DSCAM: variants seen among roughly 807,000 people sequenced by gnomAD.
The protein encoded by DSCAM is DS cell adhesion molecule.
A neutral mutation model predicts 217.7 loss-of-function variants in DSCAM; 47 were observed. The ratio of observed to expected loss-of-function variants is 0.22; its 90% confidence interval spans 0.17 to 0.28. DSCAM has a LOEUF of 0.28. Ranked by LOEUF, DSCAM falls within the 10% of genes least tolerant of loss-of-function variation. DSCAM has a pLI of 1.00. For missense variants in DSCAM, 2,080 were observed against 2,618.3 expected (o/e 0.79, Z 4.49); for synonymous variants, 1,056 against 1,015.3 (o/e 1.04, Z -0.76).
rs560726429 is a variant in DSCAM at position 40,241,724 on chromosome 21, T to C, written c.2356+34373A>G. ...ATGTTCACTGAAGCACTATTAAGAA[T>C]AGAAAAGATGTGGAATCCACCTAAA... On this transcript the variant is annotated intron_variant, in intron 11 of 32. Coordinates refer to ENST00000400454, the MANE Select transcript of DSCAM (RefSeq NM_001389.5). Among the ~76,000 whole-genome samples the C allele has an allele frequency of 3.3e-5, 5 of 152,164 alleles. No homozygotes were observed. In the South Asian group the frequency reaches 1.0e-3, roughly 32 times the overall value.
chr21:40,139,741 AG>A (rs1173555906), intron 18 of DSCAM, among the ~76,000 whole-genome samples: 1 of 149,522 alleles, frequency 6.7e-6, no homozygotes, highest in Admixed American at 6.7e-5. Flanking sequence ...TATGTGTATG[AG>A]GGGTGTGTGT....
Position 40,347,772 on chromosome 21 carries a change from G to C in DSCAM, c.1108C>G (p.Leu370Val). The C allele has an allele frequency of 6.2e-7, 1 of 1,614,148 alleles. No homozygotes were observed. The highest frequency in any genetic ancestry group is 8.5e-7 in the Non-Finnish European group (1 of 1,180,028). Residue 370 changes from leucine (L) to valine (V), a missense_variant, in exon 6 of 33, where the codon CTT becomes GTT. By Grantham distance (32) the Leu-to-Val change is conservative. This residue lies in a region of DSCAM where 568 missense variants were observed against 678.1 expected (regional missense o/e 0.84). Transcript: ENST00000400454. ...VRITGINHENLIMDHMVKSDG... is the reference protein window; with the variant it reads ...VRITGINHENVIMDHMVKSDG... Reference sequence around the variant, plus strand: ...CTTTTGACCATGTGATCCATTATAAGGTTTTCGTGGTTGATCCCTGTGATC... The same window carrying C: ...CTTTTGACCATGTGATCCATTATAACGTTTTCGTGGTTGATCCCTGTGATC...
intron 19 of DSCAM, among the ~76,000 whole-genome samples, chr21:40,126,716 C>T (rs781245952): frequency 3.3e-5 from 5 of 152,170 alleles, no homozygotes; most frequent in African/African-American, 4.8e-5. Context: ...TGATGATTTC[C>T]GTGAGCATGC....
intron 1 of DSCAM, among the ~76,000 whole-genome samples, chr21:40,711,888 T>A (rs2090784235): frequency 6.6e-6 from 1 of 152,184 alleles, no homozygotes; most frequent in African/African-American, 2.4e-5. Flanking sequence ...GGAGGCCTTC[T>A]GCATGCAACT....
chr21:40,128,659 G>A (rs971451500), intron 19 of DSCAM, among the ~76,000 whole-genome samples: 4 of 148,856 alleles, frequency 2.7e-5, no homozygotes, highest in Non-Finnish European at 5.9e-5. Context: ...GGAGTAACAG[G>A]CAGCCTCTGG....
At chr21:40,116,216 T>C (rs2089968819) in intron 20 of DSCAM, among the ~76,000 whole-genome samples, 1 of 152,120 alleles carries the variant, frequency 6.6e-6, no homozygotes, top group Non-Finnish European at 1.5e-5. Flanking sequence ...TAATGGGTAT[T>C]AGGATTAATA....
At chr21:40,760,026 G>A (rs1413669278) in intron 1 of DSCAM, among the ~76,000 whole-genome samples, 1 of 150,246 alleles carries the variant, frequency 6.7e-6, no homozygotes, top group East Asian at 1.9e-4. Context: ...ACAGAGTCTT[G>A]CTCTGCAACC....
chr21:40,253,917 A>G (rs1384287646), intron 11 of DSCAM, among the ~76,000 whole-genome samples: 4 of 152,216 alleles, frequency 2.6e-5, no homozygotes, highest in Non-Finnish European at 5.9e-5. Context: ...CAGATTATCA[A>G]ACCCAAGGAG....
At chr21:40,484,825 G>GA (rs916532161) in intron 3 of DSCAM, among the ~76,000 whole-genome samples, 17 of 152,152 alleles carry the variant, frequency 1.1e-4, no homozygotes, top group African/African-American at 3.6e-4. Flanking sequence ...CGCAAAGACT[G>GA]AAAAAATCCT....
chr21:40,223,566 T>A (rs1400512239), intron 11 of DSCAM, among the ~76,000 whole-genome samples: 2 of 152,162 alleles, frequency 1.3e-5, no homozygotes, highest in African/African-American at 4.8e-5. Context: ...TACAGTCATA[T>A]CATATATACA....
rs78317173 is a variant in DSCAM, at chr21:40,774,517, G to A, written c.44-65746C>T. ...TGTGGTTGATGATCCTAGCATCTTC[G>A]TTTCTAAATGTGTCTCATAACCTGC... On this transcript the variant is annotated intron_variant, in intron 1 of 32. Coordinates refer to ENST00000400454, the MANE Select transcript of DSCAM (RefSeq NM_001389.5). Among the ~76,000 whole-genome samples, 1,035 of 152,278 alleles carry A rather than the reference G, an allele frequency of 6.8e-3. 7 individuals are homozygous for A. The highest frequency in any genetic ancestry group is 0.011 in the Non-Finnish European group (753 of 68,012).
At chr21:40,383,831 A>G (rs544970359) in intron 3 of DSCAM, 1 of 152,344 alleles carries the variant, frequency 6.6e-6, no homozygotes, top group East Asian at 1.9e-4. Flanking sequence ...AGTAAACAAG[A>G]ATTATTCAAA....
At chr21:40,401,816 C>T (rs1212139092) in intron 3 of DSCAM, among the ~76,000 whole-genome samples, 1 of 150,814 alleles carries the variant, frequency 6.6e-6, no homozygotes, top group Non-Finnish European at 1.5e-5. Flanking sequence ...GCCCCATGTT[C>T]CCCTCTGGAG....
intron 11 of DSCAM, among the ~76,000 whole-genome samples, chr21:40,267,504 ATG>A (rs1486622309): frequency 6.6e-6 from 1 of 152,198 alleles, no homozygotes; most frequent in Non-Finnish European, 1.5e-5. Context: ...TATTAGATGT[ATG>A]TTAACCATTA....
intron 3 of DSCAM, among the ~76,000 whole-genome samples, chr21:40,476,305 A>G (rs576264975): frequency 6.6e-6 from 1 of 152,244 alleles, no homozygotes; most frequent in East Asian, 1.9e-4. Flanking sequence ...GCCATTCATC[A>G]TGGATACGAC....
chr21:40,466,603 G>GT (rs141248547), intron 3 of DSCAM, among the ~76,000 whole-genome samples: 11,852 of 152,170 alleles, frequency 0.078, 927 homozygotes, highest in African/African-American at 0.19. Context: ...GTTTTGTTTT[G>GT]TTTTTTCAGC....
intron 1 of DSCAM, among the ~76,000 whole-genome samples, chr21:40,843,367 C>CGTGTGT (rs1569064416): frequency 1.1e-4 from 12 of 104,436 alleles, no homozygotes; most frequent in Non-Finnish European, 1.5e-4. Flanking sequence ...GGAATGCATG[C>CGTGTGT]ATGTGTGTGT....
chr21:40,645,629 C>T (rs909184), intron 3 of DSCAM, among the ~76,000 whole-genome samples: 57,929 of 151,924 alleles, frequency 0.38, 11,865 homozygotes, highest in East Asian at 0.6. Flanking sequence ...CACGGTGCCC[C>T]TCTTCATGTT....
intron 30 of DSCAM, among the ~76,000 whole-genome samples, chr21:40,047,118 C>G (rs2088854643): frequency 6.6e-6 from 1 of 152,016 alleles, no homozygotes; most frequent in Non-Finnish European, 1.5e-5. Flanking sequence ...CAGTTCTGTA[C>G]TGCGCTAGGC....
Sources: allele counts gnomAD v4.1 joint callset (sites outside exome capture counted in the v4.1 genomes callset), GRCh38; gene constraint gnomAD v4.1.1; regional missense constraint gnomAD v4.1.1; transcripts MANE v1.5; gene names NCBI Gene and HGNC (gene_info 2026-07-23, HGNC 2026-07-21).